The following ELP4 variants were observed in gnomAD, a reference collection of about 807,000 sequenced individuals.
ELP4 encodes the protein elongator complex protein 4.
A neutral mutation model predicts 48.9 loss-of-function variants in ELP4; 51 were observed. The ratio of observed to expected loss-of-function variants is 1.04; its 90% CI spans 0.83 to 1.32. ELP4 has a LOEUF of 1.32. Among genes scored for constraint, ELP4 ranks in the 40% most tolerant of loss-of-function variants. The pLI is 0.00. For synonymous variants in ELP4, 210 were observed against 189.2 expected (o/e 1.11, Z -0.90); for missense variants, 519 against 514.6 (o/e 1.01, Z -0.08).
intron 9 of ELP4, among the ~76,000 whole-genome samples, chr11:31,747,129 G>T (rs1323161149): frequency 6.6e-6 from 1 of 151,972 alleles, no homozygotes; most frequent in Non-Finnish European, 1.5e-5. Flanking sequence ...GATAAAAATG[G>T]TATAACCTTC....
At chr11:31,700,287 A>G (rs766170983) in intron 9 of ELP4, among the ~76,000 whole-genome samples, 11 of 151,940 alleles carry the variant, frequency 7.2e-5, no homozygotes, top group Non-Finnish European at 1.3e-4. Flanking sequence ...GGTGATAGGG[A>G]TATGGGAATT....
chr11:31,641,646 A>C (rs1385204299), intron 7 of ELP4, among the ~76,000 whole-genome samples: 1 of 151,928 alleles, frequency 6.6e-6, no homozygotes, highest in Non-Finnish European at 1.5e-5. Context: ...AAATTCAAGC[A>C]GGTGAGGACC....
intron 9 of ELP4, among the ~76,000 whole-genome samples, chr11:31,666,436 G>T (rs1945677200): frequency 6.6e-6 from 1 of 152,236 alleles, no homozygotes; most frequent in Admixed American, 6.5e-5. Flanking sequence ...GCTCACGCCT[G>T]TAATCCCAGC....
In ELP4 at chr11:31,543,188, G is replaced by A. The variant is rs1483532618; in HGVS notation, c.381+3405G>A. On this transcript the variant is annotated intron_variant, in intron 3 of 9. Transcript: ENST00000640961. ...TCCCTAACATGTGATTGGACTCTGT[G>A]AAGGGAGAAGGAGTAGTACACAACA... 3.0e-4 allele frequency among the ~76,000 whole-genome samples: 46 copies of A among 152,230 alleles called. 2 individuals are homozygous for A. Among genetic ancestry groups the A allele is most frequent in the Non-Finnish European group, 5.4e-4 (37 of 68,036 alleles).
intron 7 of ELP4, 45 bp from the exon 8 acceptor site, chr11:31,647,696 T>C (rs751919719): frequency 8.8e-7 from 1 of 1,141,214 alleles, no homozygotes; most frequent in Non-Finnish European, 1.3e-6. Flanking sequence ...TATTATACTA[T>C]TAACATAATA....
At chr11:31,764,590 G>C (rs1245323589) in intron 9 of ELP4, among the ~76,000 whole-genome samples, 1 of 152,014 alleles carries the variant, frequency 6.6e-6, no homozygotes, top group African/African-American at 2.4e-5. Context: ...TCACTCTTTT[G>C]TAAGGAAAAT....
At chr11:31,540,435 T>C (rs994408239) in intron 3 of ELP4, among the ~76,000 whole-genome samples, 1 of 152,216 alleles carries the variant, frequency 6.6e-6, no homozygotes, top group African/African-American at 2.4e-5. Context: ...AATAAACTGA[T>C]TCCAAGGCAC....
intron 5 of ELP4, among the ~76,000 whole-genome samples, chr11:31,610,581 C>T (rs1592156896): frequency 6.6e-6 from 1 of 152,066 alleles, no homozygotes; most frequent in Non-Finnish European, 1.5e-5. Context: ...ATGTTTAACT[C>T]CCACTTACAA....
Position 31,559,385 on chromosome 11 carries a change from A to G in ELP4, c.381+19602A>G, listed in dbSNP as rs568842294. On this transcript the variant is annotated intron_variant, in intron 3 of 9. Transcript: ENST00000640961. ...TTTGAAATGTGTTTGTTGTTTATATAATATTCATCTTACAGTTTGGCTACA... is the reference window on the plus strand; with the variant it reads ...TTTGAAATGTGTTTGTTGTTTATATGATATTCATCTTACAGTTTGGCTACA... 2.6e-5 allele frequency among the ~76,000 whole-genome samples: 4 copies of G among 152,326 alleles called. No homozygotes were observed. In the South Asian group the frequency reaches 8.3e-4, roughly 32 times the overall value.
At chr11:31,755,548 T>G (rs1269614680) in intron 9 of ELP4, among the ~76,000 whole-genome samples, 2 of 152,140 alleles carry the variant, frequency 1.3e-5, no homozygotes, top group East Asian at 3.8e-4. Flanking sequence ...AAATGCATAA[T>G]TTCTATCATG....
At chr11:31,665,286 G>A (rs1945646978) in intron 9 of ELP4, among the ~76,000 whole-genome samples, 1 of 152,110 alleles carries the variant, frequency 6.6e-6, no homozygotes, top group Non-Finnish European at 1.5e-5. Flanking sequence ...TGCTAGGGAG[G>A]ATCCTTTTAT....
In ELP4 at chr11:31,787,691, C is replaced by T. The variant is rs796629755; in HGVS notation, c.*4167C>T. The T allele has an allele frequency of 4.8e-5, 11 of 230,856 alleles. No homozygotes were observed. Among genetic ancestry groups the T allele is most frequent in the East Asian group, 4.3e-4 (7 of 16,276 alleles). 14.3% of individuals were successfully genotyped at this position (230,856 alleles called of 1,614,324 possible). On this transcript the variant is annotated 3_prime_UTR_variant, in exon 10 of 10. Transcript: ENST00000640961. ...CTGACACTGAACAAAACTACATGCA[C>T]ACATACAAAAACTGCAACTTAGGAA...
chr11:31,640,870 A>G (rs1945082052), intron 7 of ELP4, among the ~76,000 whole-genome samples: 3 of 151,838 alleles, frequency 2.0e-5, no homozygotes, highest in Admixed American at 2.0e-4. Context: ...AAATCAGCAA[A>G]CCAAATGGCA....
intron 6 of ELP4, among the ~76,000 whole-genome samples, chr11:31,631,811 G>T (rs902838967): frequency 4.2e-4 from 64 of 152,102 alleles, no homozygotes; most frequent in Middle Eastern, 3.2e-3. Flanking sequence ...AAAATTAAAT[G>T]AGAAATATTG....
At chr11:31,686,465 C>G (rs1196245488) in intron 9 of ELP4, among the ~76,000 whole-genome samples, 2 of 152,052 alleles carry the variant, frequency 1.3e-5, no homozygotes, top group African/African-American at 4.8e-5. Flanking sequence ...GGAGGGAAGC[C>G]CTCTGAGAGA....
At chr11:31,669,286 A>G (rs1276140433) in intron 9 of ELP4, among the ~76,000 whole-genome samples, 2 of 151,862 alleles carry the variant, frequency 1.3e-5, no homozygotes, top group Non-Finnish European at 2.9e-5. Context: ...AGGTTTCACC[A>G]TGTTGGCCAG....
intron 9 of ELP4, among the ~76,000 whole-genome samples, chr11:31,686,150 A>G (rs1946155432): frequency 1.3e-5 from 2 of 151,982 alleles, no homozygotes; most frequent in Admixed American, 6.6e-5. Context: ...TATACATTTT[A>G]TATATTAGTA....
At chr11:31,564,769 A>G (rs1028773974) in intron 3 of ELP4, among the ~76,000 whole-genome samples, 1 of 152,150 alleles carries the variant, frequency 6.6e-6, no homozygotes, top group Non-Finnish European at 1.5e-5. Context: ...TTCTTAATCC[A>G]GTCTATCATT....
intron 7 of ELP4, among the ~76,000 whole-genome samples, chr11:31,645,048 G>GT (rs1357313895): frequency 6.6e-6 from 1 of 151,728 alleles, no homozygotes. Flanking sequence ...GCAGAAAGCA[G>GT]TAAGATCACT....
Sources: gnomAD v4.1 joint callset for allele counts (sites outside exome capture counted in the v4.1 genomes callset) on GRCh38, gnomAD v4.1.1 for gene constraint, MANE v1.5 for transcripts, NCBI Gene and HGNC (gene_info 2026-07-23, HGNC 2026-07-21) for gene names.